Variants in IL1RL2 observed in about 807,000 individuals in gnomAD.
The protein encoded by IL1RL2 is interleukin-1 receptor-like 2.
IL1RL2 carries 68 observed loss-of-function variants against 66.8 expected under a neutral mutation model. The ratio of observed to expected loss-of-function variants is 1.02; its 90% CI spans 0.84 to 1.25. The LOEUF is 1.25. IL1RL2 is among the 50% of genes most tolerant of loss of function. The pLI is 0.00. For synonymous variants in IL1RL2, 305 were observed against 264.6 expected, an observed-to-expected ratio of 1.15 and a Z score of -1.48; for missense variants, 729 against 709.3, an observed-to-expected ratio of 1.03 and a Z score of -0.32.
At chr2:102,203,155 T>A (rs1688416101) in intron 5 of IL1RL2, among the ~76,000 whole-genome samples, 1 of 152,244 alleles carries the variant, frequency 6.6e-6, no homozygotes, top group Non-Finnish European at 1.5e-5. Flanking sequence ...TTAGCCTTTA[T>A]TCTGTTGATA....
chr2:102,199,010 A>T (rs1302313544), intron 4 of IL1RL2, among the ~76,000 whole-genome samples: 1 of 152,158 alleles, frequency 6.6e-6, no homozygotes, highest in Non-Finnish European at 1.5e-5. Flanking sequence ...ATTTCTTTGC[A>T]TTCCTTCTTC....
At chr2:102,193,471 A>G (rs1426115380) in intron 4 of IL1RL2, among the ~76,000 whole-genome samples, 1 of 152,150 alleles carries the variant, frequency 6.6e-6, no homozygotes, top group Non-Finnish European at 1.5e-5. Flanking sequence ...TGGTGTGATC[A>G]TGGCTCACTG....
chr2:102,232,415 T>A (rs899505956), intron 9 of IL1RL2, among the ~76,000 whole-genome samples: 3 of 151,966 alleles, frequency 2.0e-5, no homozygotes, highest in Non-Finnish European at 2.9e-5. Flanking sequence ...CCTGGCCACA[T>A]CCTTGAACTC....
Position 102,191,977 on chromosome 2 carries a change from C to T in IL1RL2, c.346C>T (p.His116Tyr). ...TGTAAACCTAACTGTTTTTGAAAAACATTGGTGTGACACTTCCATAGGTGG... is the reference window on the plus strand; with the variant it reads ...TGTAAACCTAACTGTTTTTGAAAAATATTGGTGTGACACTTCCATAGGTGG... Reference protein sequence around the residue: ...IHVNLTVFEKHWCDTSIGGLP... With the variant: ...IHVNLTVFEKYWCDTSIGGLP... Residue 116 changes from histidine (H) to tyrosine (Y), a missense_variant, in exon 4 of 12, where the codon CAT (histidine) becomes TAT (tyrosine). By Grantham distance (83) the His-to-Tyr change is moderately conservative (BLOSUM62 2). Transcript: ENST00000264257. 1.9e-6 allele frequency: 3 copies of T among 1,612,602 alleles called. No individual in the cohort carries two copies. The South Asian group carries it at 3.3e-5, about 18-fold the overall frequency.
intron 3 of IL1RL2, among the ~76,000 whole-genome samples, chr2:102,191,246 C>T (rs934848425): frequency 9.2e-5 from 14 of 152,212 alleles, no homozygotes; most frequent in African/African-American, 3.4e-4. Flanking sequence ...TATTTCCTAT[C>T]AACAGTGTAT....
intron 9 of IL1RL2, among the ~76,000 whole-genome samples, chr2:102,229,298 G>A (rs1188510103): frequency 1.3e-5 from 2 of 152,242 alleles, no homozygotes; most frequent in Non-Finnish European, 2.9e-5. Context: ...GGAAGAACAT[G>A]TGGGACTGGA....
chr2:102,239,211 A>T lies in IL1RL2; in HGVS notation c.1698A>T (p.Arg566Ser). 1 of 1,614,106 alleles carries T rather than the reference A, an allele frequency of 6.2e-7. No individual in the cohort carries two copies. Among genetic ancestry groups the T allele is most frequent in the South Asian group, 1.1e-5 (1 of 91,086 alleles). Residue 566 changes from arginine to serine, a missense_variant, in exon 12 of 12, where the codon AGA becomes AGT. Arg to Ser is a moderately radical substitution (Grantham distance 110). Coordinates refer to ENST00000264257, the MANE Select transcript of IL1RL2 (RefSeq NM_003854.4). The stretch of plus-strand genomic sequence containing the variant: ...TTTCAGGCCCAGAACTAGGCTCAAG[A>T]AGAAAGAAGTGTACTCTCACGACTG... ...YRTAGPELGSRRKKCTLTTG is the reference protein window; with the variant it reads ...YRTAGPELGSSRKKCTLTTG
intron 8 of IL1RL2, among the ~76,000 whole-genome samples, chr2:102,224,760 G>A (rs971506812): frequency 1.3e-5 from 2 of 152,138 alleles, no homozygotes; most frequent in African/African-American, 4.8e-5. Flanking sequence ...AATGATGAAT[G>A]TTTGAGGTGA....
rs1304919731 is a variant in IL1RL2, at chr2:102,239,714, G to C, written c.*473G>C. The C allele has an allele frequency of 5.7e-6, 1 of 174,962 alleles. No homozygotes were observed. The highest frequency in any genetic ancestry group is 1.2e-5 in the Non-Finnish European group (1 of 80,458). 10.8% of individuals were successfully genotyped at this position (174,962 alleles called of 1,614,324 possible). The stretch of plus-strand genomic sequence containing the variant: ...TGTCATGGTGGGCGAGATCTGGGGG[G>C]TATCCCCACGTCATGGTGGATGAGA... On this transcript the variant is annotated 3_prime_UTR_variant, in exon 12 of 12. Coordinates refer to ENST00000264257, the MANE Select transcript of IL1RL2 (RefSeq NM_003854.4).
intron 4 of IL1RL2, among the ~76,000 whole-genome samples, chr2:102,199,638 G>T (rs1688066505): frequency 6.6e-6 from 1 of 152,200 alleles, no homozygotes; most frequent in African/African-American, 2.4e-5. Context: ...GATCAGAATA[G>T]AGGTAGTCTA....
chr2:102,233,619 A>G lies in IL1RL2; in HGVS notation c.1297+495A>G, dbSNP rs186087282. Among the ~76,000 whole-genome samples, 28 of 152,130 alleles carry G rather than the reference A, an allele frequency of 1.8e-4. No individual in the cohort carries two copies. The East Asian group carries it at 5.2e-3, about 28-fold the overall frequency. On this transcript the variant is annotated intron_variant, in intron 10 of 11. Coordinates refer to ENST00000264257, the MANE Select transcript of IL1RL2 (RefSeq NM_003854.4). ...ATGGAAGTTTTAGTGTACTTTTCCC[A>G]CTTGATAGGAAGGTGGCTTTGGACA...
At chr2:102,194,581 C>T (rs1578096033) in intron 4 of IL1RL2, among the ~76,000 whole-genome samples, 2 of 152,128 alleles carry the variant, frequency 1.3e-5, no homozygotes, top group African/African-American at 4.8e-5. Flanking sequence ...ACACATGGTA[C>T]TATTAGTCTT....
chr2:102,211,121 T>G (rs1028394239), intron 5 of IL1RL2, among the ~76,000 whole-genome samples: 1 of 152,180 alleles, frequency 6.6e-6, no homozygotes, highest in African/African-American at 2.4e-5. Flanking sequence ...TAACTTTTGT[T>G]TGGGACATGC....
At chr2:102,229,758 GA>G (rs1018495063) in intron 9 of IL1RL2, among the ~76,000 whole-genome samples, 1 of 151,886 alleles carries the variant, frequency 6.6e-6, no homozygotes, top group South Asian at 2.1e-4. Context: ...CAGACAGAAA[GA>G]AAAAAAAGAT....
intron 10 of IL1RL2, among the ~76,000 whole-genome samples, chr2:102,234,593 A>G (rs1186472810): frequency 6.6e-6 from 1 of 152,104 alleles, no homozygotes; most frequent in Non-Finnish European, 1.5e-5. Flanking sequence ...CAGGAGTTCA[A>G]CACCAGCTTG....
At position 102,231,367 on chromosome 2, in the gene IL1RL2, G is replaced by T. The variant is rs1340528237; in HGVS notation, c.1136-1596G>T. Among the ~76,000 whole-genome samples, 12 of 152,144 alleles carry T rather than the reference G, an allele frequency of 7.9e-5. No individual in the cohort carries two copies. In the East Asian group the frequency reaches 2.1e-3, roughly 27 times the overall value. ...ACAAAAATTAGCCGGGCCTGGTGGC[G>T]GGCGCCTATAATCCCAGCTACTCAG... is the stretch of plus-strand genomic sequence containing the variant. On this transcript the variant is annotated intron_variant, in intron 9 of 11. Transcript: ENST00000264257.
chr2:102,221,268 G>C (rs1463632974), intron 8 of IL1RL2, among the ~76,000 whole-genome samples: 13 of 152,068 alleles, frequency 8.5e-5, no homozygotes, highest in African/African-American at 3.1e-4. Context: ...CATCATCTGT[G>C]CTGCTTTTCT....
chr2:102,232,891 C>G, intron 9 of IL1RL2, 72 bp from the exon 10 acceptor site: 1 of 1,536,784 alleles, frequency 6.5e-7, no homozygotes, highest in Non-Finnish European at 8.9e-7. Context: ...GGTAGCCGCT[C>G]AGGCTTCCGG....
intron 2 of IL1RL2, among the ~76,000 whole-genome samples, 189 bp downstream of exon 2, chr2:102,188,114 G>A (rs1352192434): frequency 6.6e-6 from 1 of 152,228 alleles, no homozygotes; most frequent in African/African-American, 2.4e-5. Flanking sequence ...AGCCCTGAAT[G>A]TCGCCTTTGA....
Sources: allele counts gnomAD v4.1 joint callset (sites outside exome capture counted in the v4.1 genomes callset), GRCh38; gene constraint gnomAD v4.1.1; transcripts MANE v1.5; gene names NCBI Gene and HGNC (gene_info 2026-07-23, HGNC 2026-07-21).